RIDA: variants seen among roughly 807,000 people sequenced by gnomAD.
RIDA encodes reactive intermediate imine deaminase A, also known as 2-iminobutanoate/2-iminopropanoate deaminase.
Under a neutral mutation model 17.8 loss-of-function variants are expected in RIDA, and 17 were observed. The observed-to-expected ratio is 0.96, with a 90% CI of 0.65 to 1.43. RIDA has a LOEUF of 1.43. RIDA is among the 40% of genes most tolerant of loss of function. RIDA has a pLI of 0.00. For synonymous variants in RIDA, 48 were observed against 55.7 expected (o/e 0.86, Z 0.62); for missense variants, 158 against 161.7 (o/e 0.98, Z 0.12).
intron 4 of RIDA, among the ~76,000 whole-genome samples, chr8:98,105,120 CAAAAAAAAAAAAA>C (rs11354936): frequency 3.4e-5 from 3 of 88,058 alleles, no homozygotes; most frequent in Non-Finnish European, 6.4e-5. Flanking sequence ...AGCTTTCTGG[CAAAAAAAAAAAAA>C]AAAAAAAAAA....
At chr8:98,108,783 T>A in intron 1 of RIDA, 32 bp from the exon 2 acceptor site, 1 of 1,388,296 alleles carries the variant, frequency 7.2e-7, no homozygotes, top group Non-Finnish European at 1.0e-6. Flanking sequence ...TGTATTTATG[T>A]AAGTATAAAA....
chr8:98,105,376 A>G (rs1165149069), intron 4 of RIDA, among the ~76,000 whole-genome samples: 1 of 152,128 alleles, frequency 6.6e-6, no homozygotes, highest in Non-Finnish European at 1.5e-5. Context: ...TGTTGGGGAC[A>G]CCAATTTTCC....
chr8:98,105,418 C>T (rs1337807234), intron 4 of RIDA, among the ~76,000 whole-genome samples: 2 of 152,170 alleles, frequency 1.3e-5, no homozygotes, highest in Non-Finnish European at 2.9e-5. Context: ...TAATAGCTAA[C>T]ATTTACTCAG....
At position 98,105,966 on chromosome 8, in the gene RIDA, G is replaced by A; in HGVS notation, c.267C>T (p.Phe89=). The A allele has an allele frequency of 6.2e-7, 1 of 1,607,518 alleles. No individual in the cohort carries two copies. Among genetic ancestry groups the A allele is most frequent in the Non-Finnish European group, 8.5e-7 (1 of 1,174,246 alleles). Reference sequence around the variant, plus strand: ...GTTTGTAGATTTCATTGACAGTATTGAAGTCATTTATGTCAGCCAGAAGAA... The same window carrying A: ...GTTTGTAGATTTCATTGACAGTATTAAAGTCATTTATGTCAGCCAGAAGAA... ...TTVLLADIND[F]NTVNEIYKQY... is the part of the protein sequence containing the mutation. Residue 89 remains phenylalanine, a synonymous_variant, in exon 4 of 6, where the codon TTC becomes TTT. Coordinates refer to ENST00000254878, the MANE Select transcript of RIDA (RefSeq NM_005836.3).
intron 1 of RIDA, among the ~76,000 whole-genome samples, chr8:98,114,207 C>T (rs1038814573): frequency 7.9e-5 from 12 of 152,152 alleles, no homozygotes; most frequent in African/African-American, 2.9e-4. Context: ...CATACAAACA[C>T]ACAACCACAA....
chr8:98,112,233 G>A (rs971649657), intron 1 of RIDA, among the ~76,000 whole-genome samples: 2 of 109,894 alleles, frequency 1.8e-5, no homozygotes, highest in South Asian at 5.7e-4. Context: ...CTTTCTCTAA[G>A]TAACTAAGCT....
At chr8:98,116,543 G>A (rs1028628353) in intron 1 of RIDA, among the ~76,000 whole-genome samples, 3 of 152,200 alleles carry the variant, frequency 2.0e-5, no homozygotes, top group Non-Finnish European at 4.4e-5. Context: ...AGGGGCCGGG[G>A]GAGAGGAGAA....
intron 1 of RIDA, among the ~76,000 whole-genome samples, chr8:98,110,879 C>T (rs1288979874): frequency 4.0e-5 from 6 of 150,524 alleles, no homozygotes; most frequent in African/African-American, 1.5e-4. Context: ...CTCACGTGAT[C>T]TAACAGTTTT....
rs1586213105 is a variant in RIDA at position 98,102,683 on chromosome 8, C to T, written c.*159G>A. ...GGATTCCTTCTCTAATATTCATGTT[C>T]AACTCTCCCTATTACATGGTATTTC... On this transcript the variant is annotated 3_prime_UTR_variant, in exon 6 of 6. Coordinates refer to ENST00000254878, the MANE Select transcript of RIDA (RefSeq NM_005836.3). 1.9e-6 allele frequency: 1 copy of T among 514,692 alleles called. No homozygotes were observed. Among genetic ancestry groups the T allele is most frequent in the East Asian group, 2.9e-5 (1 of 34,410 alleles). 31.9% of individuals were successfully genotyped at this position (514,692 alleles called of 1,614,324 possible).
chr8:98,117,129 A>G lies in RIDA; in HGVS notation c.-33T>C, dbSNP rs897177378. 5 of 1,604,736 alleles carry G rather than the reference A, an allele frequency of 3.1e-6. No individual in the cohort carries two copies. Among genetic ancestry groups the G allele is most frequent in the Non-Finnish European group, 4.3e-6 (5 of 1,171,520 alleles). ...CCTTCCCTCTTGCAGCCCCTTCAGG[A>G]GAAGAAGCCCCAGCACCAGCCCTGC... is the stretch of plus-strand genomic sequence containing the variant. On this transcript the variant is annotated 5_prime_UTR_variant, in exon 1 of 6. Transcript: ENST00000254878.
At chr8:98,109,391 G>C (rs1182564295) in intron 1 of RIDA, among the ~76,000 whole-genome samples, 2 of 152,068 alleles carry the variant, frequency 1.3e-5, no homozygotes, top group Non-Finnish European at 2.9e-5. Flanking sequence ...AAGAGTTAGA[G>C]TACATGAAAT....
chr8:98,117,098 G>A lies in RIDA; in HGVS notation c.-2C>T. ...CACCCTTCTGATCAAGGACGACATG[G>A]CTAAGCCTTCCCTCTTGCAGCCCCT... On this transcript the variant is annotated 5_prime_UTR_variant, in exon 1 of 6. Coordinates refer to ENST00000254878, the MANE Select transcript of RIDA (RefSeq NM_005836.3). 6.2e-7 allele frequency: 1 copy of A among 1,614,020 alleles called. No homozygotes were observed. Among genetic ancestry groups the A allele is most frequent in the South Asian group, 1.1e-5 (1 of 91,082 alleles).
intron 1 of RIDA, among the ~76,000 whole-genome samples, chr8:98,111,792 T>C (rs1016083164): frequency 6.6e-6 from 1 of 152,134 alleles, no homozygotes; most frequent in Non-Finnish European, 1.5e-5. Flanking sequence ...TTTTTCCCTT[T>C]ATAATTTATT....
chr8:98,108,908 A>G (rs1409528449), intron 1 of RIDA, 157 bp from the exon 2 acceptor site: 2 of 554,202 alleles, frequency 3.6e-6, no homozygotes, highest in South Asian at 2.3e-5. Context: ...TTTATCAAAG[A>G]TATCTTTAAG....
intron 2 of RIDA, among the ~76,000 whole-genome samples, chr8:98,108,012 T>C (rs1387954261): frequency 2.7e-5 from 4 of 150,640 alleles, no homozygotes; most frequent in Non-Finnish European, 4.4e-5. Flanking sequence ...TCAGGTGATC[T>C]GCCCGCCTCG....
chr8:98,104,868 G>T (rs1815611387), intron 4 of RIDA, among the ~76,000 whole-genome samples: 1 of 151,888 alleles, frequency 6.6e-6, no homozygotes, highest in South Asian at 2.1e-4. Flanking sequence ...GCACCACCAT[G>T]CCTGGCTCAT....
chr8:98,110,240 T>C (rs1815706622), intron 1 of RIDA, among the ~76,000 whole-genome samples: 1 of 152,186 alleles, frequency 6.6e-6, no homozygotes, highest in South Asian at 2.1e-4. Flanking sequence ...CTAAAACTCA[T>C]GGAACACTAC....
intron 2 of RIDA, among the ~76,000 whole-genome samples, chr8:98,106,825 C>T (rs542848695): frequency 6.6e-5 from 10 of 152,240 alleles, no homozygotes; most frequent in African/African-American, 2.2e-4. Context: ...TTGCTGGTCA[C>T]AATGCAATAT....
intron 1 of RIDA, among the ~76,000 whole-genome samples, chr8:98,109,603 C>G (rs903543352): frequency 1.3e-5 from 2 of 151,998 alleles, no homozygotes; most frequent in Non-Finnish European, 2.9e-5. Context: ...ACCCAGCAAA[C>G]TCTTCTTTTA....
Sources: gnomAD v4.1 joint callset for allele counts (sites outside exome capture counted in the v4.1 genomes callset) on GRCh38, gnomAD v4.1.1 for gene constraint, MANE v1.5 for transcripts, NCBI Gene and HGNC (gene_info 2026-07-23, HGNC 2026-07-21) for gene names.